Variants in AGAP1 observed in about 807,000 individuals in gnomAD.
AGAP1 encodes the protein ArfGAP with GTPase domain, ankyrin repeat and PH domain 1.
Under a neutral mutation model 105.3 loss-of-function variants are expected in AGAP1, and 29 were observed. That is an observed-to-expected ratio of 0.28 (90% CI 0.21 to 0.38). AGAP1 has a LOEUF of 0.38. AGAP1 is among the 10% of genes least tolerant of loss of function. The pLI, the probability that AGAP1 is intolerant of heterozygous loss-of-function variation, is 1.00. For missense variants in AGAP1, 998 were observed against 1,165.1 expected (o/e 0.86, Z 2.09); for synonymous variants, 509 against 485.9 (o/e 1.05, Z -0.63).
intron 1 of AGAP1, among the ~76,000 whole-genome samples, chr2:235,707,965 T>G (rs1168686893): frequency 9.9e-5 from 14 of 142,098 alleles, no homozygotes; most frequent in East Asian, 6.6e-4. Context: ...GTGCTCCCCA[T>G]CGTGTGACCT....
At chr2:235,780,630 A>T (rs1956205335) in intron 6 of AGAP1, among the ~76,000 whole-genome samples, 3 of 152,218 alleles carry the variant, frequency 2.0e-5, no homozygotes, top group Non-Finnish European at 4.4e-5. Context: ...AAAGATAAGA[A>T]ATTTATAGTC....
chr2:235,713,570 G>A (rs1950954173), intron 2 of AGAP1, among the ~76,000 whole-genome samples: 1 of 152,124 alleles, frequency 6.6e-6, no homozygotes, highest in Non-Finnish European at 1.5e-5. Flanking sequence ...TTGAGGAATT[G>A]TCAGTATTGG....
At position 235,877,462 on chromosome 2, in the gene AGAP1, G is replaced by A. The variant is rs1321699414; in HGVS notation, c.1051-5883G>A. Among the ~76,000 whole-genome samples, 1 of 152,098 alleles carries A rather than the reference G, an allele frequency of 6.6e-6. No homozygotes were observed. The stretch of plus-strand genomic sequence containing the variant: ...GTGACCGTATCACGTGGTGACCCCA[G>A]TCTCTTCCTTTCCTGCTTTCATACT... On this transcript the variant is annotated intron_variant, in intron 9 of 17. Coordinates refer to ENST00000304032, the MANE Select transcript of AGAP1 (RefSeq NM_001037131.3). This position sits in a 1 kb window ranked among gnomAD's most constrained non-coding sequence, Gnocchi z 4.3.
chr2:236,064,764 C>T (rs894824512), intron 16 of AGAP1, among the ~76,000 whole-genome samples: 1 of 152,160 alleles, frequency 6.6e-6, no homozygotes, highest in Admixed American at 6.5e-5. Flanking sequence ...GAGCCTCGCA[C>T]CCTTCCTCGG....
At chr2:236,094,859 T>C (rs1365531924) in intron 16 of AGAP1, among the ~76,000 whole-genome samples, 1 of 133,220 alleles carries the variant, frequency 7.5e-6, no homozygotes, top group Admixed American at 9.3e-5. Flanking sequence ...CCAAGGCAGG[T>C]GGATCACTTG....
chr2:235,499,071 C>T lies in AGAP1; in HGVS notation c.163+4222C>T, dbSNP rs540728765. Among the ~76,000 whole-genome samples the T allele has an allele frequency of 6.2e-4, 95 of 152,294 alleles. 2 individuals are homozygous for T. In the East Asian group the frequency reaches 0.018, roughly 28 times the overall value. ...TCATCTCAGTTCGTCCTGCAGCGAT[C>T]TTGTACACAGACGCACTGCTGAGGC... is the stretch of plus-strand genomic sequence containing the variant. On this transcript the variant is annotated intron_variant, in intron 1 of 17. Coordinates refer to ENST00000304032, the MANE Select transcript of AGAP1 (RefSeq NM_001037131.3).
chr2:235,786,361 TGAG>T (rs1399381875), intron 6 of AGAP1, among the ~76,000 whole-genome samples: 4 of 152,244 alleles, frequency 2.6e-5, no homozygotes, highest in Non-Finnish European at 5.9e-5. Flanking sequence ...ACCTGTATCA[TGAG>T]GAGAATAGCA....
At chr2:235,812,354 C>T (rs1489586547) in intron 9 of AGAP1, among the ~76,000 whole-genome samples, 1 of 152,214 alleles carries the variant, frequency 6.6e-6, no homozygotes, top group East Asian at 1.9e-4. Flanking sequence ...GGCCTGTGAA[C>T]TGTTTTGAAG....
intron 12 of AGAP1, among the ~76,000 whole-genome samples, chr2:235,949,152 G>T (rs114294444): frequency 0.025 from 3,757 of 152,288 alleles, 84 homozygotes; most frequent in South Asian, 0.11. Context: ...CTGATGTGCA[G>T]TCAAATACAG....
At chr2:235,695,954 G>C (rs1429338250) in intron 1 of AGAP1, among the ~76,000 whole-genome samples, 1 of 152,156 alleles carries the variant, frequency 6.6e-6, no homozygotes, top group Non-Finnish European at 1.5e-5. Flanking sequence ...TCTGTGCTGA[G>C]AACAGAGGAG....
intron 11 of AGAP1, among the ~76,000 whole-genome samples, chr2:235,923,952 G>A (rs1031127301): frequency 6.6e-6 from 1 of 152,166 alleles, no homozygotes; most frequent in Non-Finnish European, 1.5e-5. Context: ...GAAGAGTGGT[G>A]TAGGTTGTCC....
rs545489497 is a variant in AGAP1, at chr2:235,872,750, G to A, written c.1051-10595G>A. On this transcript the variant is annotated intron_variant, in intron 9 of 17. Transcript: ENST00000304032. The surrounding 1 kb of genome is among the most constrained non-coding windows in gnomAD (Gnocchi z 4.5). ...ACCTTAGTACCACTTCCTCCCTAAGGAAAGCGACGGGCCCCCTGTCTTCCC... is the reference window on the plus strand; with the variant it reads ...ACCTTAGTACCACTTCCTCCCTAAGAAAAGCGACGGGCCCCCTGTCTTCCC... Among the ~76,000 whole-genome samples, 1 of 152,300 alleles carries A rather than the reference G, an allele frequency of 6.6e-6. No homozygotes were observed. Among genetic ancestry groups the A allele is most frequent in the East Asian group, 1.9e-4 (1 of 5,180 alleles).
chr2:235,590,881 C>T (rs1230876307), intron 1 of AGAP1, among the ~76,000 whole-genome samples: 9 of 151,050 alleles, frequency 6.0e-5, no homozygotes, highest in South Asian at 2.1e-4. Flanking sequence ...CCACTACGCC[C>T]GGCTAATTTT....
rs13409068 is a variant in AGAP1, at chr2:235,927,194, C to T, written c.1325-3571C>T. Reference sequence around the variant, plus strand: ...GGGGGCCTTCACGAGCTATAGGGCTCTAAGAGTCTGCCGTCAGAAGGATTG... The same window carrying T: ...GGGGGCCTTCACGAGCTATAGGGCTTTAAGAGTCTGCCGTCAGAAGGATTG... On this transcript the variant is annotated intron_variant, in intron 11 of 17. Transcript: ENST00000304032. The surrounding 1 kb of genome is among the most constrained non-coding windows in gnomAD (Gnocchi z 4.4). Among the ~76,000 whole-genome samples, 796 of 152,236 alleles carry T rather than the reference C, an allele frequency of 5.2e-3. 7 individuals carry two copies. Among genetic ancestry groups the T allele is most frequent in the African/African-American group, 0.018 (766 of 41,530 alleles).
rs1575060967 is a variant in AGAP1, at chr2:235,659,991, A to G, written c.164-49188A>G. 2.0e-5 allele frequency among the ~76,000 whole-genome samples: 3 copies of G among 151,938 alleles called. No individual in the cohort carries two copies. The highest frequency in any genetic ancestry group is 4.4e-5 in the Non-Finnish European group (3 of 67,972). On this transcript the variant is annotated intron_variant, in intron 1 of 17. Coordinates refer to ENST00000304032, the MANE Select transcript of AGAP1 (RefSeq NM_001037131.3). This position sits in a 1 kb window ranked among gnomAD's most constrained non-coding sequence, Gnocchi z 5.0. ...CTCCATGGGCCCCTCAAGGCTGTAG[A>G]CCCCTCTGTCTGACCAGCATCCCAT...
rs1200845285 is a variant in AGAP1, at chr2:235,981,674, C to A, written c.1645+13051C>A. On this transcript the variant is annotated intron_variant, in intron 13 of 17. Coordinates refer to ENST00000304032, the MANE Select transcript of AGAP1 (RefSeq NM_001037131.3). This position sits in a 1 kb window ranked among gnomAD's most constrained non-coding sequence, Gnocchi z 5.5. ...CTGGGCTTAAGTGCTTTACACGCAG[C>A]GTCTCATAACCCTCACAAGAACCTG... Among the ~76,000 whole-genome samples the A allele has an allele frequency of 6.6e-6, 1 of 152,176 alleles. No individual in the cohort carries two copies. Among genetic ancestry groups the A allele is most frequent in the Admixed American group, 6.5e-5 (1 of 15,278 alleles).
chr2:235,941,854 G>A (rs1206837350), intron 12 of AGAP1, among the ~76,000 whole-genome samples: 1 of 139,994 alleles, frequency 7.1e-6, no homozygotes, highest in Non-Finnish European at 1.5e-5. Flanking sequence ...GTTGTTGGGG[G>A]GGTAAGAAGG....
At chr2:235,810,601 G>A (rs903513486) in intron 9 of AGAP1, among the ~76,000 whole-genome samples, 1 of 152,188 alleles carries the variant, frequency 6.6e-6, no homozygotes, top group Non-Finnish European at 1.5e-5. Context: ...ACTTCCATCT[G>A]ATACCTCGTT....
chr2:235,972,986 C>T (rs987328045), intron 13 of AGAP1, among the ~76,000 whole-genome samples: 2 of 152,116 alleles, frequency 1.3e-5, no homozygotes, highest in African/African-American at 4.8e-5. Flanking sequence ...AGAAGGTCTT[C>T]CTAGACTCCC....
Sources: gnomAD v4.1 joint callset for allele counts (sites outside exome capture counted in the v4.1 genomes callset) on GRCh38, gnomAD v4.1.1 for gene constraint, Gnocchi (gnomAD v3.1) non-coding constraint, MANE v1.5 for transcripts, NCBI Gene and HGNC (gene_info 2026-07-23, HGNC 2026-07-21) for gene names.